DPP10: variants seen among roughly 807,000 people sequenced by gnomAD.
DPP10 encodes the protein dipeptidyl peptidase like 10.
A neutral mutation model predicts 120.9 loss-of-function variants in DPP10; 33 were observed. That is an observed-to-expected ratio of 0.27 (90% CI 0.21 to 0.37). The LOEUF (loss-of-function observed/expected upper bound fraction) is 0.37, where lower values mean the gene tolerates loss of function less well. DPP10 is among the 10% of genes least tolerant of loss of function. DPP10 has a pLI of 1.00. For missense variants in DPP10, 816 were observed against 942.8 expected, an observed-to-expected ratio of 0.87 and a Z score of 1.76; for synonymous variants, 337 against 326.1, an observed-to-expected ratio of 1.03 and a Z score of -0.36.
intron 1 of DPP10, among the ~76,000 whole-genome samples, chr2:115,068,321 A>C (rs72949779): frequency 0.16 from 24,577 of 151,448 alleles, 2,253 homozygotes; most frequent in African/African-American, 0.27. Flanking sequence ...GATGATTAGT[A>C]ATGTTCAGCT....
intron 5 of DPP10, among the ~76,000 whole-genome samples, chr2:115,568,244 G>T (rs2081126951): frequency 6.6e-6 from 1 of 151,940 alleles, no homozygotes; most frequent in Admixed American, 6.6e-5. Context: ...CAGCACTGTG[G>T]GAGACTGAGG....
At chr2:115,833,478 AG>A (rs1369214742) in intron 21 of DPP10, among the ~76,000 whole-genome samples, 8 of 152,324 alleles carry the variant, frequency 5.3e-5, no homozygotes, top group African/African-American at 1.9e-4. Flanking sequence ...TGCTCCCTCT[AG>A]GGACAACACT....
intron 1 of DPP10, among the ~76,000 whole-genome samples, chr2:115,239,744 CCT>C (rs1217658309): frequency 6.6e-6 from 1 of 152,000 alleles, no homozygotes; most frequent in Non-Finnish European, 1.5e-5. Flanking sequence ...TAATGCTATC[CCT>C]CTCCTAGCCC....
intron 1 of DPP10, among the ~76,000 whole-genome samples, chr2:115,236,995 C>T (rs1363345245): frequency 1.3e-5 from 2 of 152,160 alleles, no homozygotes; most frequent in African/African-American, 4.8e-5. Context: ...GATTTTCTAA[C>T]AGCTCCTTAA....
intron 1 of DPP10, among the ~76,000 whole-genome samples, chr2:115,026,407 T>C (rs1217042613): frequency 1.3e-5 from 2 of 152,206 alleles, no homozygotes; most frequent in Non-Finnish European, 1.5e-5. Context: ...ACCATACAGA[T>C]TAACTATAGC....
intron 14 of DPP10, 136 bp downstream of exon 14, chr2:115,777,435 G>T: frequency 1.4e-6 from 1 of 738,104 alleles, no homozygotes; most frequent in Non-Finnish European, 2.2e-6. Flanking sequence ...TTTCTTTAAA[G>T]ACCTCTTCCA....
intron 1 of DPP10, among the ~76,000 whole-genome samples, chr2:115,062,635 G>C (rs755138261): frequency 6.6e-6 from 1 of 152,146 alleles, no homozygotes; most frequent in Non-Finnish European, 1.5e-5. Flanking sequence ...GTGAGAACAC[G>C]CAGTGTTTGA....
chr2:115,300,570 A>T (rs1421414164), intron 1 of DPP10, among the ~76,000 whole-genome samples: 1 of 152,044 alleles, frequency 6.6e-6, no homozygotes, highest in African/African-American at 2.4e-5. Flanking sequence ...TGTTTGCATC[A>T]CTGCTTTCAA....
At chr2:115,679,567 G>C (rs1365733716) in intron 5 of DPP10, among the ~76,000 whole-genome samples, 1 of 152,168 alleles carries the variant, frequency 6.6e-6, no homozygotes, top group Non-Finnish European at 1.5e-5. Context: ...ATAGAAGTGT[G>C]AGAATGAATA....
At chr2:114,880,901 C>T (rs1691548999) in intron 1 of DPP10, among the ~76,000 whole-genome samples, 1 of 152,054 alleles carries the variant, frequency 6.6e-6, no homozygotes, top group Admixed American at 6.6e-5. Flanking sequence ...AAATCAGAAA[C>T]TGGTGTCTCA....
rs534202650 is a variant in DPP10, at chr2:114,873,206, T to C, written c.60+430368T>C. 2.5e-4 allele frequency among the ~76,000 whole-genome samples: 38 copies of C among 152,302 alleles called. 1 individual carries two copies. In the South Asian group the frequency reaches 7.9e-3, roughly 32 times the overall value. Reference sequence around the variant, plus strand: ...TGATCCTGCCTCCTGGTAATAATATTTGTTGTTAACTTTTAGGAGAGGCTG... The same window carrying C: ...TGATCCTGCCTCCTGGTAATAATATCTGTTGTTAACTTTTAGGAGAGGCTG... On this transcript the variant is annotated intron_variant, in intron 1 of 25. Transcript: ENST00000410059.
At chr2:115,705,530 C>T (rs552986865) in intron 7 of DPP10, among the ~76,000 whole-genome samples, 3 of 151,930 alleles carry the variant, frequency 2.0e-5, no homozygotes, top group South Asian at 4.2e-4. Context: ...CAGCAATTGA[C>T]GAATTCTATT....
At chr2:114,996,237 T>A (rs1014485027) in intron 1 of DPP10, among the ~76,000 whole-genome samples, 1 of 152,196 alleles carries the variant, frequency 6.6e-6, no homozygotes, top group African/African-American at 2.4e-5. Context: ...CTGTCACTCT[T>A]CAGTTAAATC....
chr2:115,212,865 C>G (rs2056604227), intron 1 of DPP10, among the ~76,000 whole-genome samples: 1 of 152,048 alleles, frequency 6.6e-6, no homozygotes, highest in Admixed American at 6.6e-5. Context: ...CATTATTTCA[C>G]TTTGAGAAAT....
intron 3 of DPP10, among the ~76,000 whole-genome samples, chr2:115,375,977 G>T (rs1325110164): frequency 6.6e-6 from 1 of 152,188 alleles, no homozygotes; most frequent in East Asian, 1.9e-4. Context: ...CACTAGTAGT[G>T]CTTGGTATAA....
At chr2:115,192,923 G>A (rs1352646438) in intron 1 of DPP10, among the ~76,000 whole-genome samples, 1 of 150,406 alleles carries the variant, frequency 6.6e-6, no homozygotes, top group East Asian at 1.9e-4. Flanking sequence ...CCTTTTACAC[G>A]GAATTTCCTT....
At chr2:114,560,857 G>C in intron 1 of DPP10, among the ~76,000 whole-genome samples, 1 of 152,218 alleles carries the variant, frequency 6.6e-6, no homozygotes, top group African/African-American at 2.4e-5. Context: ...GCGTATGTTT[G>C]ATTCACTATA....
chr2:115,054,238 G>A (rs1291279647), intron 1 of DPP10, among the ~76,000 whole-genome samples: 1 of 152,018 alleles, frequency 6.6e-6, no homozygotes, highest in Non-Finnish European at 1.5e-5. Flanking sequence ...ATGCTTTGTG[G>A]CTCCTTAGAG....
At chr2:115,761,976 G>A (rs1459393853) in intron 11 of DPP10, among the ~76,000 whole-genome samples, 1 of 151,974 alleles carries the variant, frequency 6.6e-6, no homozygotes, top group Non-Finnish European at 1.5e-5. Flanking sequence ...CATATTTAAC[G>A]AGGTTAAATT....
Sources: gnomAD v4.1 joint callset for allele counts (sites outside exome capture counted in the v4.1 genomes callset) on GRCh38, gnomAD v4.1.1 for gene constraint, MANE v1.5 for transcripts, NCBI Gene and HGNC (gene_info 2026-07-23, HGNC 2026-07-21) for gene names.